The following SPECC1 variants were observed in gnomAD, a reference collection of about 807,000 sequenced individuals.
SPECC1 encodes the protein cytospin-B.
In SPECC1, 62 loss-of-function variants were observed where a neutral mutation model predicts 104.1. The observed-to-expected ratio is 0.60, with a 90% CI of 0.49 to 0.74. The LOEUF is 0.74. Among genes scored for constraint, SPECC1 ranks in the 30% least tolerant of loss-of-function variants. The probability of loss-of-function intolerance (pLI) is 0.00; values close to 1 mark genes in which losing one functional copy is unlikely to be tolerated. For synonymous variants in SPECC1, 513 were observed against 501.6 expected, an observed-to-expected ratio of 1.02 and a Z score of -0.30; for missense variants, 1,306 against 1,310.5, an observed-to-expected ratio of 1.00 and a Z score of 0.05.
intron 12 of SPECC1, among the ~76,000 whole-genome samples, chr17:20,286,883 C>G (rs1460192315): frequency 6.6e-6 from 1 of 152,226 alleles, no homozygotes; most frequent in Admixed American, 6.5e-5. Flanking sequence ...TCGCTGCTGC[C>G]TGCCTCTTCC....
chr17:20,067,837 C>T (rs562788128), intron 1 of SPECC1, among the ~76,000 whole-genome samples: 6 of 152,220 alleles, frequency 3.9e-5, no homozygotes, highest in African/African-American at 9.6e-5. Context: ...CCCCCCGCCC[C>T]GAAAACCCAG....
chr17:20,291,270 C>T (rs896227621), intron 12 of SPECC1, among the ~76,000 whole-genome samples: 1 of 152,222 alleles, frequency 6.6e-6, no homozygotes, highest in Non-Finnish European at 1.5e-5. Flanking sequence ...CTCAGCCTTT[C>T]CTTTCACTCT....
intron 3 of SPECC1, among the ~76,000 whole-genome samples, chr17:20,169,691 CAG>C (rs779085549): frequency 6.6e-6 from 1 of 152,044 alleles, no homozygotes; most frequent in Non-Finnish European, 1.5e-5. Flanking sequence ...TCCCAAGAGA[CAG>C]GGGCTTGCTC....
intron 1 of SPECC1, among the ~76,000 whole-genome samples, chr17:20,029,365 A>G (rs954466252): frequency 2.0e-5 from 3 of 152,192 alleles, no homozygotes; most frequent in African/African-American, 7.2e-5. Flanking sequence ...TTGGTTTTCT[A>G]TCCTGCAGCC....
chr17:20,040,849 T>C (rs944203597), intron 1 of SPECC1, among the ~76,000 whole-genome samples: 12 of 152,212 alleles, frequency 7.9e-5, no homozygotes, highest in African/African-American at 2.9e-4. Context: ...TATAGGTTTA[T>C]GTCTCTTGCC....
At chr17:20,242,128 C>T (rs537737928) in intron 7 of SPECC1, among the ~76,000 whole-genome samples, 1 of 152,156 alleles carries the variant, frequency 6.6e-6, no homozygotes, top group Non-Finnish European at 1.5e-5. Flanking sequence ...ATGGAGTTAA[C>T]CTTTGAATAC....
rs1451127327 is a variant in SPECC1, at chr17:20,070,570, AC to A, written c.-21-26060del. On this transcript the variant is annotated intron_variant, in intron 1 of 14. Coordinates refer to ENST00000395527, the MANE Select transcript of SPECC1 (RefSeq NM_001243439.2). ...TTTTATCTATATGACATCTATTATCACTTTTAATGGCTGCATAAGGCTTAAT... is the reference window on the plus strand; with the variant it reads ...TTTTATCTATATGACATCTATTATCATTTTAATGGCTGCATAAGGCTTAAT... Among the ~76,000 whole-genome samples the A allele has an allele frequency of 1.1e-4, 16 of 152,068 alleles. 1 individual carries two copies. Among genetic ancestry groups the A allele is most frequent in the Admixed American group, 1.0e-3 (16 of 15,270 alleles).
At chr17:20,308,043 G>T (rs999647972) in intron 14 of SPECC1, among the ~76,000 whole-genome samples, 1 of 152,144 alleles carries the variant, frequency 6.6e-6, no homozygotes, top group Non-Finnish European at 1.5e-5. Context: ...GATTTTTAAA[G>T]ATGTTCAATC....
intron 2 of SPECC1, among the ~76,000 whole-genome samples, chr17:20,109,712 C>T (rs189659473): frequency 1.2e-4 from 19 of 152,300 alleles, no homozygotes; most frequent in African/African-American, 4.1e-4. Flanking sequence ...CTCCCTCCAC[C>T]TCCTCCTGGC....
intron 3 of SPECC1, chr17:20,185,007 C>T (rs902348777): frequency 2.6e-5 from 4 of 152,254 alleles, no homozygotes; most frequent in African/African-American, 4.8e-5. Flanking sequence ...TTATAGCTGT[C>T]TTCACTGTGT....
intron 3 of SPECC1, among the ~76,000 whole-genome samples, chr17:20,175,061 CTG>C (rs2034374259): frequency 1.3e-5 from 2 of 152,180 alleles, no homozygotes; most frequent in Admixed American, 1.3e-4. Flanking sequence ...GGGGCCGCCT[CTG>C]TGCTCCGCAG....
At chr17:20,172,899 A>G (rs1191593790) in intron 3 of SPECC1, among the ~76,000 whole-genome samples, 1 of 152,134 alleles carries the variant, frequency 6.6e-6, no homozygotes, top group Non-Finnish European at 1.5e-5. Flanking sequence ...TTCCTAGGTG[A>G]TAGGTTGGAC....
At chr17:20,203,908 CCTT>C (rs545925458) in intron 3 of SPECC1, among the ~76,000 whole-genome samples, 40 of 152,330 alleles carry the variant, frequency 2.6e-4, no homozygotes, top group African/African-American at 8.7e-4. Flanking sequence ...AGTTTAGTTT[CCTT>C]CTTCCTTCTC....
In SPECC1 at chr17:20,247,303, C is replaced by T; in HGVS notation, c.2582C>T (p.Ala861Val). 1 of 1,613,250 alleles carries T rather than the reference C, an allele frequency of 6.2e-7. No homozygotes were observed. The highest frequency in any genetic ancestry group is 8.5e-7 in the Non-Finnish European group (1 of 1,179,466). The change falls in exon 9 of 15, where the codon GCT becomes GTT. Residue 861 changes from alanine (A) to valine (V), a missense_variant. Physicochemically the swap from Ala to Val is moderately conservative, Grantham distance 64. Around this residue, in one of 2 missense-constraint regions of SPECC1, gnomAD observed 1,177 missense variants for 1,139.9 expected, o/e 1.03. Coordinates refer to ENST00000395527, the MANE Select transcript of SPECC1 (RefSeq NM_001243439.2). ...CCAGTGAGGACTGCTCCAGCAGCTGCTGTCTCTCCAATGCAGGTAGATGAG... is the reference window on the plus strand; with the variant it reads ...CCAGTGAGGACTGCTCCAGCAGCTGTTGTCTCTCCAATGCAGGTAGATGAG... ...GIPVRTAPAA[A>V]VSPMQRHSTY...
At chr17:20,048,333 C>G (rs142694301) in intron 1 of SPECC1, among the ~76,000 whole-genome samples, 1 of 152,110 alleles carries the variant, frequency 6.6e-6, no homozygotes, top group African/African-American at 2.4e-5. Context: ...CTGGGTTTCA[C>G]TGTGTTAGCC....
intron 10 of SPECC1, 68 bp from the exon 11 acceptor site, chr17:20,257,383 G>A (rs2039870444): frequency 6.7e-7 from 1 of 1,489,854 alleles, no homozygotes; most frequent in Non-Finnish European, 9.0e-7. Flanking sequence ...TTGTATTTGA[G>A]AATGAAGTAT....
chr17:20,234,007 G>C (rs1331913346), intron 7 of SPECC1, among the ~76,000 whole-genome samples: 1 of 152,162 alleles, frequency 6.6e-6, no homozygotes, highest in East Asian at 1.9e-4. Context: ...TGAGACACAG[G>C]CCAGGTTCTT....
At chr17:20,231,617 A>G (rs1351155704) in intron 5 of SPECC1, 141 bp from the exon 6 acceptor site, 2 of 717,844 alleles carry the variant, frequency 2.8e-6, no homozygotes, top group African/African-American at 1.8e-5. Flanking sequence ...TGAAATTGCT[A>G]AAAGTTGCAT....
intron 3 of SPECC1, among the ~76,000 whole-genome samples, chr17:20,130,978 T>C (rs1003083879): frequency 2.6e-5 from 4 of 152,246 alleles, no homozygotes; most frequent in Non-Finnish European, 5.9e-5. Context: ...TTTTTATTTT[T>C]GAGGAATTGT....
Sources: gnomAD v4.1 joint callset for allele counts (sites outside exome capture counted in the v4.1 genomes callset) on GRCh38, gnomAD v4.1.1 for gene constraint, gnomAD v4.1.1 regional missense constraint, MANE v1.5 for transcripts, NCBI Gene and HGNC (gene_info 2026-07-23, HGNC 2026-07-21) for gene names.